The following ADAMTS20 variants were observed in gnomAD, a reference collection of about 807,000 sequenced individuals.
ADAMTS20 encodes the protein A disintegrin and metalloproteinase with thrombospondin motifs 20.
A neutral mutation model predicts 260.1 loss-of-function variants in ADAMTS20; 225 were observed. The ratio of observed to expected loss-of-function variants is 0.87; its 90% CI spans 0.78 to 0.97. The LOEUF is 0.97. Among genes scored for constraint, ADAMTS20 ranks in the 50% least tolerant of loss-of-function variants. The pLI, the probability that ADAMTS20 is intolerant of heterozygous loss-of-function variation, is 0.00. For synonymous variants in ADAMTS20, 802 were observed against 769.5 expected, an observed-to-expected ratio of 1.04 and a Z score of -0.70; for missense variants, 2,400 against 2,337.7, an observed-to-expected ratio of 1.03 and a Z score of -0.55.
chr12:43,526,056 C>T (rs1309554409), intron 3 of ADAMTS20, among the ~76,000 whole-genome samples: 2 of 152,148 alleles, frequency 1.3e-5, no homozygotes, highest in African/African-American at 4.8e-5. Flanking sequence ...GAATATTCTA[C>T]CCCAAAACTG....
At chr12:43,405,760 A>G (rs1482008786) in intron 28 of ADAMTS20, among the ~76,000 whole-genome samples, 6 of 152,194 alleles carry the variant, frequency 3.9e-5, no homozygotes, top group Non-Finnish European at 2.9e-5. Context: ...TTTTCAAAAC[A>G]TAATAATTTA....
chr12:43,419,203 T>G (rs1296530449), intron 28 of ADAMTS20, among the ~76,000 whole-genome samples: 1 of 152,126 alleles, frequency 6.6e-6, no homozygotes, highest in Non-Finnish European at 1.5e-5. Context: ...ATATGTTAGT[T>G]TATGTGTGCA....
At chr12:43,411,955 A>T (rs1343862234) in intron 28 of ADAMTS20, among the ~76,000 whole-genome samples, 2 of 152,190 alleles carry the variant, frequency 1.3e-5, no homozygotes, top group Non-Finnish European at 2.9e-5. Flanking sequence ...GTATACCATA[A>T]TATTAAATCA....
chr12:43,501,472 C>T (rs569151037), intron 4 of ADAMTS20, among the ~76,000 whole-genome samples: 23 of 108,434 alleles, frequency 2.1e-4, no homozygotes, highest in South Asian at 1.1e-3. Flanking sequence ...CGCGCGCGCG[C>T]GCGCGCGCGC....
chr12:43,510,761 A>G (rs1565577249), intron 3 of ADAMTS20, among the ~76,000 whole-genome samples: 1 of 152,130 alleles, frequency 6.6e-6, no homozygotes, highest in Non-Finnish European at 1.5e-5. Flanking sequence ...AATTACAAAC[A>G]TTGAATATCT....
At chr12:43,467,961 T>C (rs557268570) in intron 8 of ADAMTS20, among the ~76,000 whole-genome samples, 3 of 152,202 alleles carry the variant, frequency 2.0e-5, no homozygotes, top group East Asian at 3.9e-4. Context: ...TAGAATCTTT[T>C]TTCAGAGGAT....
Position 43,454,069 on chromosome 12 carries a change from C to A in ADAMTS20, c.1615-17G>T. The A allele has an allele frequency of 6.2e-7, 1 of 1,603,840 alleles. No homozygotes were observed. The highest frequency in any genetic ancestry group is 1.1e-5 in the South Asian group (1 of 89,188). ...ACGGCAATGCTATAAAAATAATAAGCACAAAAAGAAATGATGTGTGTCTCT... is the reference window on the plus strand; with the variant it reads ...ACGGCAATGCTATAAAAATAATAAGAACAAAAAGAAATGATGTGTGTCTCT... On this transcript the variant is annotated splice_polypyrimidine_tract_variant and intron_variant, in intron 11 of 38. Transcript: ENST00000389420.
chr12:43,413,679 C>G (rs772591929), intron 28 of ADAMTS20, among the ~76,000 whole-genome samples: 1 of 152,028 alleles, frequency 6.6e-6, no homozygotes, highest in Non-Finnish European at 1.5e-5. Flanking sequence ...TTTTTTCCTG[C>G]AAATTTAATT....
chr12:43,451,088 T>A (rs1272937454), intron 14 of ADAMTS20, among the ~76,000 whole-genome samples: 1 of 152,188 alleles, frequency 6.6e-6, no homozygotes, highest in African/African-American at 2.4e-5. Flanking sequence ...AAATGGTATA[T>A]TATTCAGCCA....
intron 8 of ADAMTS20, among the ~76,000 whole-genome samples, 178 bp downstream of exon 8, chr12:43,468,422 T>A (rs1291442347): frequency 1.3e-5 from 2 of 152,216 alleles, no homozygotes; most frequent in Non-Finnish European, 2.9e-5. Context: ...CTGTGCAGCC[T>A]GTCTGACCTA....
chr12:43,502,444 T>C, intron 3 of ADAMTS20, 39 bp from the exon 4 acceptor site: 2 of 1,551,838 alleles, frequency 1.3e-6, no homozygotes, highest in Non-Finnish European at 1.7e-6. Context: ...AGCCATTAAA[T>C]TGGATGTGAC....
At position 43,464,732 on chromosome 12, in the gene ADAMTS20, A is replaced by T; in HGVS notation, c.1368T>A (p.Asp456Glu). ...CAAGAAGACATTCCCCGTAACCAGT[A>T]CTGTAACAGTGACAGAAAATAAAAT... ...CSRKYVTEFL[D>E]TGYGECLLDK... The change falls in exon 10 of 39, where the codon GAT (aspartate) becomes GAA (glutamate). Residue 456 changes from aspartate to glutamate, a missense_variant and splice_region_variant. Asp to Glu is a conservative substitution (Grantham distance 45). Coordinates refer to ENST00000389420, the MANE Select transcript of ADAMTS20 (RefSeq NM_025003.5). The T allele has an allele frequency of 6.2e-7, 1 of 1,607,692 alleles. No individual in the cohort carries two copies. Among genetic ancestry groups the T allele is most frequent in the Non-Finnish European group, 8.5e-7 (1 of 1,177,420 alleles).
In ADAMTS20 at chr12:43,474,510, A is replaced by G. The variant is rs1227675025; in HGVS notation, c.1118-5805T>C. On this transcript the variant is annotated intron_variant, in intron 7 of 38. Transcript: ENST00000389420. The stretch of plus-strand genomic sequence containing the variant: ...TTTATGAGGCCAGCATCATTCTGAT[A>G]CCAAAGCTGGGCAGAGACACAACCA... 9.0e-5 allele frequency among the ~76,000 whole-genome samples: 12 copies of G among 133,628 alleles called. No individual in the cohort carries two copies. The East Asian group carries it at 1.5e-3, about 16-fold the overall frequency. 87.7% of individuals were successfully genotyped at this position (133,628 alleles called of 152,430 possible).
chr12:43,485,216 A>T (rs994623054), intron 7 of ADAMTS20, among the ~76,000 whole-genome samples: 1 of 152,118 alleles, frequency 6.6e-6, no homozygotes, highest in Non-Finnish European at 1.5e-5. Context: ...CATCGAAAAC[A>T]TAATTCACCA....
chr12:43,454,500 T>A (rs934302421), intron 11 of ADAMTS20, among the ~76,000 whole-genome samples: 1 of 152,268 alleles, frequency 6.6e-6, no homozygotes. Flanking sequence ...ATCAGGAAAA[T>A]GGAAACTTAC....
At chr12:43,528,354 A>C (rs1201550220) in intron 3 of ADAMTS20, among the ~76,000 whole-genome samples, 6 of 145,054 alleles carry the variant, frequency 4.1e-5, no homozygotes, top group Admixed American at 4.1e-4. Context: ...TAAGCAAAAA[A>C]AAAAAAAAAA....
intron 28 of ADAMTS20, chr12:43,423,726 C>T: frequency 1.4e-6 from 1 of 702,102 alleles, no homozygotes; most frequent in East Asian, 2.7e-5. Flanking sequence ...TTCAAATCTC[C>T]CCAAGTAAAC....
At chr12:43,364,312 A>T (rs1939936827) in intron 37 of ADAMTS20, among the ~76,000 whole-genome samples, 1 of 152,194 alleles carries the variant, frequency 6.6e-6, no homozygotes, top group African/African-American at 2.4e-5. Context: ...TTTCAACAAA[A>T]TTTATGAGGC....
At chr12:43,549,302 CA>C (rs939340447) in intron 2 of ADAMTS20, among the ~76,000 whole-genome samples, 15 of 151,362 alleles carry the variant, frequency 9.9e-5, no homozygotes, top group African/African-American at 3.1e-4. Flanking sequence ...GGTTATAAAA[CA>C]AAAAAAGTAT....
Sources: gnomAD v4.1 joint callset for allele counts (sites outside exome capture counted in the v4.1 genomes callset) on GRCh38, gnomAD v4.1.1 for gene constraint, MANE v1.5 for transcripts, NCBI Gene and HGNC (gene_info 2026-07-23, HGNC 2026-07-21) for gene names.